Variants in CNOT2 observed in about 807,000 individuals in gnomAD.
The protein encoded by CNOT2 is CC chemokine receptor 4-negative regulator of transcription 2.
Under a neutral mutation model 72.1 loss-of-function variants are expected in CNOT2, and 7 were observed. That is an observed-to-expected ratio of 0.10 (90% CI 0.06 to 0.18). CNOT2 has a LOEUF of 0.18. Ranked by LOEUF, CNOT2 falls within the 10% of genes least tolerant of loss-of-function variation. The pLI, the probability that CNOT2 is intolerant of heterozygous loss-of-function variation, is 1.00. For missense variants in CNOT2, 345 were observed against 660.3 expected (o/e 0.52, Z 5.23); for synonymous variants, 196 against 225.6 (o/e 0.87, Z 1.17).
intron 15 of CNOT2, among the ~76,000 whole-genome samples, chr12:70,350,206 G>A (rs2136092929): frequency 6.6e-6 from 1 of 152,094 alleles, no homozygotes; most frequent in Non-Finnish European, 1.5e-5. Flanking sequence ...TTAATTTTTA[G>A]GTGATAGAGG....
intron 2 of CNOT2, among the ~76,000 whole-genome samples, 174 bp from the exon 3 acceptor site, chr12:70,310,721 A>G (rs187939881): frequency 6.1e-4 from 93 of 152,152 alleles, no homozygotes; most frequent in African/African-American, 2.1e-3. Flanking sequence ...AACATCTAAC[A>G]CTTTATTGTT....
intron 4 of CNOT2, among the ~76,000 whole-genome samples, chr12:70,327,047 A>C (rs1879181582): frequency 6.6e-6 from 1 of 151,848 alleles, no homozygotes. Flanking sequence ...TGAAATGATA[A>C]ATTTTTATGA....
chr12:70,318,563 A>G (rs1241285340), intron 3 of CNOT2, among the ~76,000 whole-genome samples: 1 of 151,832 alleles, frequency 6.6e-6, no homozygotes, highest in Non-Finnish European at 1.5e-5. Flanking sequence ...TTACCACTCT[A>G]TAGAGTATTC....
intron 1 of CNOT2, among the ~76,000 whole-genome samples, chr12:70,269,275 CTT>C (rs369996194): frequency 4.3e-5 from 6 of 141,072 alleles, no homozygotes. Flanking sequence ...CGCTCTGAAG[CTT>C]TTTTTTTTTA....
chr12:70,272,902 T>C (rs1868287691), intron 1 of CNOT2, among the ~76,000 whole-genome samples: 1 of 152,242 alleles, frequency 6.6e-6, no homozygotes, highest in South Asian at 2.1e-4. Flanking sequence ...TTTATTACTA[T>C]GGCCTACCTG....
At chr12:70,311,630 T>C (rs1170861913) in intron 3 of CNOT2, among the ~76,000 whole-genome samples, 1 of 152,022 alleles carries the variant, frequency 6.6e-6, no homozygotes, top group Non-Finnish European at 1.5e-5. Flanking sequence ...AACCAAGTCA[T>C]AATTAGCAAA....
intron 3 of CNOT2, among the ~76,000 whole-genome samples, chr12:70,317,806 T>C (rs1373435847): frequency 2.0e-5 from 3 of 151,832 alleles, no homozygotes; most frequent in Admixed American, 6.6e-5. Flanking sequence ...ATGAAAATAG[T>C]ATGAAATGTA....
chr12:70,352,705 G>A (rs1883017500), intron 15 of CNOT2, among the ~76,000 whole-genome samples: 1 of 152,144 alleles, frequency 6.6e-6, no homozygotes, highest in African/African-American at 2.4e-5. Context: ...TTGGTAAGAG[G>A]CTTTTAGAGC....
chr12:70,326,021 A>T (rs1879019179), intron 4 of CNOT2, among the ~76,000 whole-genome samples: 1 of 151,174 alleles, frequency 6.6e-6, no homozygotes, highest in Non-Finnish European at 1.5e-5. Context: ...GGAAATAATT[A>T]ATGGAATAAT....
At chr12:70,303,915 T>C (rs1874648466) in intron 2 of CNOT2, among the ~76,000 whole-genome samples, 1 of 152,208 alleles carries the variant, frequency 6.6e-6, no homozygotes, top group Admixed American at 6.5e-5. Flanking sequence ...TATTTCTTTT[T>C]ATTCTTTTTT....
chr12:70,251,632 A>G (rs1254711750), intron 1 of CNOT2, among the ~76,000 whole-genome samples: 3 of 152,230 alleles, frequency 2.0e-5, no homozygotes, highest in Non-Finnish European at 4.4e-5. Context: ...TTAAAATTAT[A>G]AGCTTAATGG....
chr12:70,317,835 C>G (rs1162327934), intron 3 of CNOT2, among the ~76,000 whole-genome samples: 1 of 151,258 alleles, frequency 6.6e-6, no homozygotes, highest in African/African-American at 2.4e-5. Context: ...AACCTCTACC[C>G]TTTAAATGTT....
chr12:70,318,331 A>G lies in CNOT2; in HGVS notation c.172-967A>G, dbSNP rs181069771. On this transcript the variant is annotated intron_variant, in intron 3 of 15. Coordinates refer to ENST00000229195, the MANE Select transcript of CNOT2 (RefSeq NM_014515.7). ...CTTTATCTCCTTTCATAGTTATCCT[A>G]TCACCACTGTTTATGTTCTCTAATA... Among the ~76,000 whole-genome samples the G allele has an allele frequency of 5.3e-5, 8 of 152,080 alleles. No homozygotes were observed. The East Asian group carries it at 1.2e-3, about 22-fold the overall frequency.
At chr12:70,340,923 A>T (rs1376608029) in intron 11 of CNOT2, among the ~76,000 whole-genome samples, 2 of 113,078 alleles carry the variant, frequency 1.8e-5, no homozygotes, top group Admixed American at 2.3e-4. Flanking sequence ...GAGACAGAGT[A>T]TTGCTCTTGT....
intron 1 of CNOT2, among the ~76,000 whole-genome samples, chr12:70,260,853 A>ATT (rs55908570): frequency 0.14 from 19,295 of 135,598 alleles, 1,588 homozygotes; most frequent in Admixed American, 0.28. Flanking sequence ...GATGCATTCT[A>ATT]TTTTTTTTTT....
chr12:70,331,408 T>A (rs1228934853), intron 6 of CNOT2: 12 of 151,894 alleles, frequency 7.9e-5, no homozygotes. Context: ...CTTGATACCT[T>A]TCTAACCTTA....
At chr12:70,335,860 T>C (rs1387442243) in intron 8 of CNOT2, 1 of 206,340 alleles carries the variant, frequency 4.8e-6, no homozygotes, top group African/African-American at 2.3e-5. Flanking sequence ...CTTAAGTGTT[T>C]TATTTTGTGG....
At chr12:70,301,150 G>GT (rs1873881654) in intron 2 of CNOT2, among the ~76,000 whole-genome samples, 1 of 152,140 alleles carries the variant, frequency 6.6e-6, no homozygotes, top group Admixed American at 6.5e-5. Flanking sequence ...TAGATATACA[G>GT]TCATGTCACC....
chr12:70,277,810 AT>A (rs1312289704), intron 1 of CNOT2, among the ~76,000 whole-genome samples: 1 of 152,150 alleles, frequency 6.6e-6, no homozygotes, highest in South Asian at 2.1e-4. Flanking sequence ...AAAGAAAAAA[AT>A]ATGTCAGTTG....
Sources: allele counts gnomAD v4.1 joint callset (sites outside exome capture counted in the v4.1 genomes callset), GRCh38; gene constraint gnomAD v4.1.1; transcripts MANE v1.5; gene names NCBI Gene and HGNC (gene_info 2026-07-23, HGNC 2026-07-21).